ADD3: variants seen among roughly 807,000 people sequenced by gnomAD.
The protein encoded by ADD3 is gamma-adducin.
In ADD3, 25 loss-of-function variants were observed where a neutral mutation model predicts 80.2. The ratio of observed to expected loss-of-function variants is 0.31; its 90% CI spans 0.23 to 0.44. The LOEUF (loss-of-function observed/expected upper bound fraction) is 0.44, where lower values mean the gene tolerates loss of function less well. Among genes scored for constraint, ADD3 ranks in the 20% least tolerant of loss-of-function variants. The pLI, the probability that ADD3 is intolerant of heterozygous loss-of-function variation, is 1.00. For synonymous variants in ADD3, 284 were observed against 289.6 expected, an observed-to-expected ratio of 0.98 and a Z score of 0.20; for missense variants, 829 against 847.5, an observed-to-expected ratio of 0.98 and a Z score of 0.27.
chr10:110,043,824 A>G (rs1231617358), intron 1 of ADD3, among the ~76,000 whole-genome samples: 1 of 152,216 alleles, frequency 6.6e-6, no homozygotes. Flanking sequence ...ACTACAGTAA[A>G]AAGTACAGAT....
chr10:110,041,756 T>G (rs1377353184), intron 1 of ADD3, among the ~76,000 whole-genome samples: 1 of 152,196 alleles, frequency 6.6e-6, no homozygotes, highest in Non-Finnish European at 1.5e-5. Flanking sequence ...TTCAGAAATT[T>G]TCGTACTGAA....
At chr10:110,056,009 A>G (rs192239447) in intron 1 of ADD3, among the ~76,000 whole-genome samples, 10 of 152,350 alleles carry the variant, frequency 6.6e-5, no homozygotes, top group Non-Finnish European at 1.2e-4. Flanking sequence ...TGCAGACTAT[A>G]TAATCCCTTT....
At position 110,135,225 on chromosome 10, in the gene ADD3, A is replaced by C. The variant is rs1228872275; in HGVS notation, c.*1607A>C. ...TCAGTGTTTTAATCTCTTGGTGGAA[A>C]CTTTCAGTTGCTTAACTCTCTATTG... On this transcript the variant is annotated 3_prime_UTR_variant, in exon 15 of 15. Coordinates refer to ENST00000356080, the MANE Select transcript of ADD3 (RefSeq NM_016824.5). 6.6e-6 allele frequency: 1 copy of C among 152,536 alleles called. No homozygotes were observed. The highest frequency in any genetic ancestry group is 2.4e-5 in the African/African-American group (1 of 41,420). 9.4% of individuals were successfully genotyped at this position (152,536 alleles called of 1,614,324 possible).
chr10:110,120,565 T>A (rs1209531604), intron 8 of ADD3, among the ~76,000 whole-genome samples: 1 of 152,138 alleles, frequency 6.6e-6, no homozygotes, highest in East Asian at 1.9e-4. Context: ...GCAGCATGAT[T>A]TATAGTCCTT....
intron 1 of ADD3, among the ~76,000 whole-genome samples, chr10:110,020,592 C>A (rs888890181): frequency 1.3e-5 from 2 of 152,158 alleles, no homozygotes; most frequent in African/African-American, 4.8e-5. Flanking sequence ...CACTGGATAA[C>A]TTCAAACAGA....
At chr10:110,035,347 A>G (rs1197510638) in intron 1 of ADD3, among the ~76,000 whole-genome samples, 1 of 152,104 alleles carries the variant, frequency 6.6e-6, no homozygotes, top group Non-Finnish European at 1.5e-5. Context: ...TCTGCATCCC[A>G]TGTTTTAAAG....
chr10:110,021,060 T>C (rs1425069649), intron 1 of ADD3, among the ~76,000 whole-genome samples: 1 of 152,254 alleles, frequency 6.6e-6, no homozygotes, highest in East Asian at 1.9e-4. Flanking sequence ...AATGGTTGCA[T>C]ATTTAATCCC....
At chr10:110,014,833 T>C (rs1395683987) in intron 1 of ADD3, among the ~76,000 whole-genome samples, 1 of 152,140 alleles carries the variant, frequency 6.6e-6, no homozygotes, top group Non-Finnish European at 1.5e-5. Context: ...AGCCTTCTTT[T>C]ACAGTTTTTA....
Position 110,119,582 on chromosome 10 carries a change from C to T in ADD3, c.960+18C>T. 6.3e-7 allele frequency: 1 copy of T among 1,591,304 alleles called. No homozygotes were observed. Among genetic ancestry groups the T allele is most frequent in the Admixed American group, 1.7e-5 (1 of 58,862 alleles). ...AGATTCAGGTAGGAAACATTATTCC[C>T]CTTTTTTAATTGCTTTGTTATTTGC... On this transcript the variant is annotated intron_variant, in intron 8 of 14. Coordinates refer to ENST00000356080, the MANE Select transcript of ADD3 (RefSeq NM_016824.5).
chr10:110,040,970 C>CTCTCTCTCTCCCTCTCTG lies in ADD3; in HGVS notation c.-30+32681_-30+32682insCCTCTCTGTCTCTCTCTC, dbSNP rs1554913099. Among the ~76,000 whole-genome samples the CTCTCTCTCTCCCTCTCTG allele has an allele frequency of 1.5e-4, 4 of 26,380 alleles. No homozygotes were observed. In the East Asian group the frequency reaches 0.2, roughly 1,319 times the overall value. The allele number at this position is 26,380 out of a possible 152,430, so 17.3% of individuals were successfully genotyped here. ...GCTCTCTCTGTCTCTCTCTGTCTCTCTCTCTCTCTCTCTCTCCGTGTGTCT... is the reference window on the plus strand; with the variant it reads ...GCTCTCTCTGTCTCTCTCTGTCTCTCTCTCTCTCTCCCTCTCTGTCTCTCTCTCTCTCTCCGTGTGTCT... On this transcript the variant is annotated intron_variant, in intron 1 of 14. Coordinates refer to ENST00000356080, the MANE Select transcript of ADD3 (RefSeq NM_016824.5).
At chr10:110,055,643 C>A (rs1202780830) in intron 1 of ADD3, among the ~76,000 whole-genome samples, 1 of 152,106 alleles carries the variant, frequency 6.6e-6, no homozygotes, top group Non-Finnish European at 1.5e-5. Flanking sequence ...AAGAGGCAGG[C>A]ATCAGAGTCT....
At chr10:110,121,677 G>T (rs1257387574) in intron 8 of ADD3, among the ~76,000 whole-genome samples, 1 of 152,198 alleles carries the variant, frequency 6.6e-6, no homozygotes, top group South Asian at 2.1e-4. Context: ...GCTATGAAAA[G>T]CTTAATTAAA....
intron 1 of ADD3, among the ~76,000 whole-genome samples, chr10:110,000,024 AT>A (rs1454657101): frequency 4.7e-5 from 7 of 150,108 alleles, no homozygotes; most frequent in Non-Finnish European, 8.8e-5. Context: ...GGTTCAAGAG[AT>A]TTTCCTGCCT....
intron 1 of ADD3, among the ~76,000 whole-genome samples, chr10:110,060,403 A>C (rs1858736074): frequency 6.6e-6 from 1 of 151,948 alleles, no homozygotes; most frequent in Non-Finnish European, 1.5e-5. Flanking sequence ...GACAAGGAAA[A>C]CCCCCCCTCT....
chr10:110,009,210 G>C (rs1235516281), intron 1 of ADD3, among the ~76,000 whole-genome samples: 1 of 152,224 alleles, frequency 6.6e-6, no homozygotes, highest in Non-Finnish European at 1.5e-5. Flanking sequence ...AAGAGGCTTT[G>C]AGGGAGGATT....
intron 1 of ADD3, among the ~76,000 whole-genome samples, chr10:110,075,985 G>T (rs1000843385): frequency 1.3e-5 from 2 of 152,156 alleles, no homozygotes; most frequent in African/African-American, 4.8e-5. Flanking sequence ...CTGAATTATT[G>T]TTCCAATGTG....
At chr10:110,060,681 C>G (rs1339290180) in intron 1 of ADD3, among the ~76,000 whole-genome samples, 2 of 152,216 alleles carry the variant, frequency 1.3e-5, no homozygotes, top group African/African-American at 4.8e-5. Flanking sequence ...TGCACTCTGT[C>G]TGAGCCTAAT....
intron 1 of ADD3, among the ~76,000 whole-genome samples, chr10:110,086,607 TAA>T (rs1245191256): frequency 6.6e-6 from 1 of 152,102 alleles, no homozygotes; most frequent in African/African-American, 2.4e-5. Context: ...TCTTGTTGGT[TAA>T]AAGTGTGTAT....
chr10:110,126,059 G>A, intron 11 of ADD3, 114 bp downstream of exon 11: 1 of 1,108,398 alleles, frequency 9.0e-7, no homozygotes, highest in Non-Finnish European at 1.3e-6. Context: ...AGAAGAATTT[G>A]GAATTTAATT....
Sources: gnomAD v4.1 joint callset for allele counts (sites outside exome capture counted in the v4.1 genomes callset) on GRCh38, gnomAD v4.1.1 for gene constraint, MANE v1.5 for transcripts, NCBI Gene and HGNC (gene_info 2026-07-23, HGNC 2026-07-21) for gene names.